PMS2: variants seen among roughly 807,000 people sequenced by gnomAD.
PMS2 encodes PMS1 homolog 2, mismatch repair system component, also known as mismatch repair endonuclease PMS2.
Under a neutral mutation model 90.0 loss-of-function variants are expected in PMS2, and 69 were observed. That is an observed-to-expected ratio of 0.77 (90% confidence interval 0.63 to 0.94). PMS2 has a LOEUF of 0.94. PMS2 is among the 40% of genes least tolerant of loss of function. The probability of loss-of-function intolerance (pLI) is 0.00; values close to 1 mark genes in which losing one functional copy is unlikely to be tolerated. For missense variants in PMS2, 966 were observed against 1,040.2 expected, an observed-to-expected ratio of 0.93 and a Z score of 0.98; for synonymous variants, 332 against 375.1, an observed-to-expected ratio of 0.89 and a Z score of 1.33.
At chr7:5,985,149 G>A (rs1255880126) in intron 11 of PMS2, among the ~76,000 whole-genome samples, 1 of 151,902 alleles carries the variant, frequency 6.6e-6, no homozygotes, top group African/African-American at 2.4e-5. Context: ...CCAGGCTGGA[G>A]TGCAATGGCA....
Position 5,987,092 on chromosome 7 carries a change from G to A in PMS2, c.1673C>T (p.Thr558Ile), listed in dbSNP as rs114037612. The part of the protein sequence containing the change: ...DVDCHSNQED[T>I]GCKFRVLPQP... ...AGGCAAAACTCGAAATTTACATCCG[G>A]TATCTTCCTGGTTTGAATGGCAGTC... is the stretch of plus-strand genomic sequence containing the variant. The change falls in exon 11 of 15, where the codon ACC becomes ATC. Residue 558 changes from threonine (T) to isoleucine (I), a missense_variant. This residue lies in a region of PMS2 where 871 missense variants were observed against 802.4 expected (regional missense o/e 1.09). Coordinates refer to ENST00000265849, the MANE Select transcript of PMS2 (RefSeq NM_000535.7). 2 of 1,614,102 alleles carry A rather than the reference G, an allele frequency of 1.2e-6. No individual in the cohort carries two copies.
chr7:5,996,980 C>T (rs184384045), intron 7 of PMS2, among the ~76,000 whole-genome samples: 2 of 152,032 alleles, frequency 1.3e-5, no homozygotes, highest in African/African-American at 4.8e-5. Flanking sequence ...TTTGGGACAC[C>T]AAGGTGGGCG....
At chr7:5,999,366 C>T (rs1310264748) in intron 5 of PMS2, 91 bp from the exon 6 acceptor site, 2 of 1,064,986 alleles carry the variant, frequency 1.9e-6, no homozygotes, top group Non-Finnish European at 1.5e-6. Flanking sequence ...GCAAGGTTCT[C>T]ACATCATCGC....
At chr7:5,984,296 A>C (rs1023076653) in intron 11 of PMS2, among the ~76,000 whole-genome samples, 2 of 151,802 alleles carry the variant, frequency 1.3e-5, no homozygotes, top group African/African-American at 4.9e-5. Flanking sequence ...TTCAACATCT[A>C]ATGTCATTAA....
At chr7:5,990,378 T>TA (rs1456723349) in intron 9 of PMS2, among the ~76,000 whole-genome samples, 4 of 152,218 alleles carry the variant, frequency 2.6e-5, no homozygotes, top group African/African-American at 9.7e-5. Context: ...CAAGTGCTAT[T>TA]AAAAACATTA....
intron 14 of PMS2, among the ~76,000 whole-genome samples, chr7:5,976,839 C>A (rs202054164): frequency 0.22 from 26,822 of 124,318 alleles, 552 homozygotes; most frequent in Middle Eastern, 0.26. Context: ...GAGGCTGAGA[C>A]AAGGGGCAAA....
chr7:5,986,712 T>A (rs1562624551), intron 11 of PMS2, 47 bp downstream of exon 11: 1 of 1,396,310 alleles, frequency 7.2e-7, no homozygotes. Context: ...AAAATAAAAA[T>A]AAAAATTTTA....
chr7:5,978,847 C>A, intron 12 of PMS2, 151 bp from the exon 13 acceptor site: 1 of 1,042,446 alleles, frequency 9.6e-7, no homozygotes, highest in Non-Finnish European at 1.4e-6. Context: ...TGTCACAAAA[C>A]TTCCTGAGAA....
chr7:5,996,534 T>C (rs1459202052), intron 7 of PMS2, among the ~76,000 whole-genome samples: 1 of 141,638 alleles, frequency 7.1e-6, no homozygotes, highest in East Asian at 2.1e-4. Context: ...ATCACGGCAC[T>C]GCACTGCAGC....
At chr7:5,994,740 C>T (rs1338982510) in intron 8 of PMS2, among the ~76,000 whole-genome samples, 2 of 151,604 alleles carry the variant, frequency 1.3e-5, no homozygotes, top group African/African-American at 2.4e-5. Flanking sequence ...CACGCCACTG[C>T]ACTCCAGCCT....
At chr7:5,994,766 C>A (rs1023378903) in intron 8 of PMS2, among the ~76,000 whole-genome samples, 2 of 151,158 alleles carry the variant, frequency 1.3e-5, no homozygotes, top group African/African-American at 2.4e-5. Context: ...ACAAACAAGA[C>A]TCCGTCTCAG....
chr7:6,006,574 A>C (rs1785795684), intron 1 of PMS2, among the ~76,000 whole-genome samples: 1 of 152,112 alleles, frequency 6.6e-6, no homozygotes, highest in African/African-American at 2.4e-5. Flanking sequence ...AATCGCTTAA[A>C]TCCAGGAGGC....
At chr7:5,978,352 C>T (rs1781941580) in intron 13 of PMS2, among the ~76,000 whole-genome samples, 1 of 147,550 alleles carries the variant, frequency 6.8e-6, no homozygotes, top group African/African-American at 2.5e-5. Flanking sequence ...CTCACTGCAA[C>T]CTCCACCTCC....
chr7:5,995,802 T>G (rs1784335736), intron 7 of PMS2, among the ~76,000 whole-genome samples, 169 bp from the exon 8 acceptor site: 1 of 152,168 alleles, frequency 6.6e-6, no homozygotes, highest in East Asian at 1.9e-4. Flanking sequence ...TGATGAGTCA[T>G]CAAAGAACCA....
chr7:5,992,918 T>C (rs191257765), intron 8 of PMS2, among the ~76,000 whole-genome samples: 74 of 152,248 alleles, frequency 4.9e-4, no homozygotes, highest in Admixed American at 1.2e-3. Context: ...TCAATGTACA[T>C]AGAAAAGTAT....
rs1196427395 is a variant in PMS2 at position 5,979,684 on chromosome 7, T to C, written c.2175-988A>G. 7.2e-5 allele frequency among the ~76,000 whole-genome samples: 10 copies of C among 139,354 alleles called. 1 individual carries two copies. The highest frequency in any genetic ancestry group is 2.6e-4 in the African/African-American group (10 of 38,412). 91.4% of individuals were successfully genotyped at this position (139,354 alleles called of 152,430 possible). On this transcript the variant is annotated intron_variant, in intron 12 of 14. Coordinates refer to ENST00000265849, the MANE Select transcript of PMS2 (RefSeq NM_000535.7). ...TTACTGTTTGTTTTTTTTTAACCTT[T>C]CGTTATTTTTTTCAAAGATAGAGAC...
chr7:5,997,484 T>A lies in PMS2; in HGVS notation c.706-61A>T. The A allele has an allele frequency of 2.6e-5, 24 of 939,608 alleles. No individual in the cohort carries two copies. In the South Asian group the frequency reaches 3.5e-4, roughly 14 times the overall value. The allele number at this position is 939,608 out of a possible 1,614,324, so 58.2% of individuals were successfully genotyped here. On this transcript the variant is annotated intron_variant, in intron 6 of 14. Coordinates refer to ENST00000265849, the MANE Select transcript of PMS2 (RefSeq NM_000535.7). ...TAATAAAGACAGAGTGGACTTAATC[T>A]GTTTTCTTTCTTAGTCAAGCTATTG...
In PMS2 at chr7:5,987,582, G is replaced by A. The variant is rs745306528; in HGVS notation, c.1183C>T (p.Pro395Ser). 4 of 1,610,710 alleles carry A rather than the reference G, an allele frequency of 2.5e-6. No homozygotes were observed. The highest frequency in any genetic ancestry group is 1.7e-6 in the Non-Finnish European group (2 of 1,177,312). Residue 395 changes from proline to serine, a missense_variant, in exon 11 of 15, where the codon CCC (proline) becomes TCC (serine). Coordinates refer to ENST00000265849, the MANE Select transcript of PMS2 (RefSeq NM_000535.7). ...IKMHAADLEK[P>S]MVEKQDQSPS... ...GATTGATCCTGCTTTTCTACCATGG[G>A]CTTTTCCAAATCCGCTGCATGCATT...
intron 3 of PMS2, 35 bp from the exon 4 acceptor site, chr7:6,003,827 T>G: frequency 7.1e-7 from 1 of 1,405,260 alleles, no homozygotes; most frequent in East Asian, 2.3e-5. Context: ...CTAAGATATC[T>G]CAAGTGCTAT....
Sources: gnomAD v4.1 joint callset for allele counts (sites outside exome capture counted in the v4.1 genomes callset) on GRCh38, gnomAD v4.1.1 for gene constraint, gnomAD v4.1.1 regional missense constraint, MANE v1.5 for transcripts, NCBI Gene and HGNC (gene_info 2026-07-23, HGNC 2026-07-21) for gene names.